The following GLIS1 variants were observed in gnomAD, a reference collection of about 807,000 sequenced individuals.
The protein encoded by GLIS1 is zinc finger protein GLIS1.
A neutral mutation model predicts 63.8 loss-of-function variants in GLIS1; 24 were observed. The ratio of observed to expected loss-of-function variants is 0.38; its 90% confidence interval spans 0.27 to 0.53. The LOEUF (loss-of-function observed/expected upper bound fraction) is 0.53, where lower values mean the gene tolerates loss of function less well. Ranked by LOEUF, GLIS1 falls within the 20% of genes least tolerant of loss-of-function variation. GLIS1 has a pLI of 0.85. For missense variants in GLIS1, 1,036 were observed against 1,074.1 expected (o/e 0.96, Z 0.50); for synonymous variants, 450 against 482.5 (o/e 0.93, Z 0.88).
At chr1:53,723,002 G>A (rs1006158747) in intron 2 of GLIS1, among the ~76,000 whole-genome samples, 94 of 151,404 alleles carry the variant, frequency 6.2e-4, no homozygotes, top group African/African-American at 2.1e-3. Context: ...GCATGGTGGT[G>A]CATGCCTGTA....
intron 2 of GLIS1, among the ~76,000 whole-genome samples, chr1:53,725,947 C>T (rs1264735778): frequency 1.3e-5 from 2 of 152,210 alleles, no homozygotes; most frequent in Non-Finnish European, 2.9e-5. Context: ...TGCCAGGGTG[C>T]TGTGTTCTTT....
chr1:53,587,802 C>A (rs1645150975), intron 4 of GLIS1, among the ~76,000 whole-genome samples: 1 of 152,232 alleles, frequency 6.6e-6, no homozygotes, highest in Non-Finnish European at 1.5e-5. Flanking sequence ...AGCCAGGGGG[C>A]ACACAGCAGG....
intron 2 of GLIS1, among the ~76,000 whole-genome samples, chr1:53,605,613 T>C (rs1475977087): frequency 6.6e-6 from 1 of 152,240 alleles, no homozygotes; most frequent in Non-Finnish European, 1.5e-5. Context: ...ATGAAAGTCC[T>C]ACCTCCCCTA....
Position 53,548,306 on chromosome 1 carries a change from C to G in GLIS1, c.1321-18354G>C, listed in dbSNP as rs575786603. ...TTCAACCTTGCATGCACATCTCTAACGGGAGGCCCGGTCTGCACACAGCAC... is the reference window on the plus strand; with the variant it reads ...TTCAACCTTGCATGCACATCTCTAAGGGGAGGCCCGGTCTGCACACAGCAC... On this transcript the variant is annotated intron_variant, in intron 4 of 10. Coordinates refer to ENST00000628545, the MANE Select transcript of GLIS1 (RefSeq NM_001367484.1). Among the ~76,000 whole-genome samples the G allele has an allele frequency of 3.3e-5, 5 of 152,332 alleles. No homozygotes were observed. The East Asian group carries it at 7.7e-4, about 23-fold the overall frequency.
At chr1:53,523,565 G>A (rs1332346361) in intron 6 of GLIS1, among the ~76,000 whole-genome samples, 2 of 152,168 alleles carry the variant, frequency 1.3e-5, no homozygotes, top group Admixed American at 6.5e-5. Flanking sequence ...TCATGCCAGT[G>A]TCCCTGAGTT....
intron 4 of GLIS1, among the ~76,000 whole-genome samples, chr1:53,580,816 C>T (rs1298937111): frequency 6.6e-6 from 1 of 152,192 alleles, no homozygotes; most frequent in African/African-American, 2.4e-5. Flanking sequence ...ATTTTTCCTG[C>T]TGCATTCTTG....
chr1:53,661,188 T>A (rs115826259), intron 2 of GLIS1, among the ~76,000 whole-genome samples: 1,607 of 152,242 alleles, frequency 0.011, 19 homozygotes, highest in African/African-American at 0.037. Flanking sequence ...GGTCCCTGCC[T>A]GTTGGGAGGA....
intron 2 of GLIS1, among the ~76,000 whole-genome samples, chr1:53,642,126 C>T (rs1645793631): frequency 6.6e-6 from 1 of 152,248 alleles, no homozygotes; most frequent in Admixed American, 6.5e-5. Context: ...GCCACACCTA[C>T]CCTGATGAAT....
At chr1:53,581,869 C>A (rs1196906925) in intron 4 of GLIS1, among the ~76,000 whole-genome samples, 1 of 152,068 alleles carries the variant, frequency 6.6e-6, no homozygotes, top group Non-Finnish European at 1.5e-5. Context: ...CACCCCCTTC[C>A]TCCTCCCTAG....
intron 2 of GLIS1, among the ~76,000 whole-genome samples, chr1:53,716,128 G>T (rs967282792): frequency 1.3e-5 from 2 of 152,164 alleles, no homozygotes; most frequent in African/African-American, 4.8e-5. Flanking sequence ...CAGAGGAGGG[G>T]AGGCAAGGCT....
rs1644619694 is a variant in GLIS1 at position 53,539,540 on chromosome 1, G to GTA, written c.1321-9590_1321-9589dup. Among the ~76,000 whole-genome samples, 1 of 44,686 alleles carries GTA rather than the reference G, an allele frequency of 2.2e-5. No individual in the cohort carries two copies. Among genetic ancestry groups the GTA allele is most frequent in the South Asian group, 6.4e-4 (1 of 1,574 alleles). 29.3% of individuals were successfully genotyped at this position (44,686 alleles called of 152,430 possible). A position where few individuals can be genotyped will look rare whatever the true frequency, so the allele number is the denominator to read the frequency against. ...ACACCACACACACACATACCACACG[G>GTA]TATACACCCCCCCACACACACTACA... On this transcript the variant is annotated intron_variant, in intron 4 of 10. Transcript: ENST00000628545. The surrounding 1 kb of genome is among the most constrained non-coding windows in gnomAD (Gnocchi z 5.0).
At chr1:53,685,344 G>A (rs910039424) in intron 2 of GLIS1, among the ~76,000 whole-genome samples, 5 of 152,184 alleles carry the variant, frequency 3.3e-5, no homozygotes, top group Non-Finnish European at 5.9e-5. Flanking sequence ...GCGGAGGACC[G>A]CGTCCCCAGA....
At chr1:53,518,472 CAT>C (rs1400650566) in intron 7 of GLIS1, among the ~76,000 whole-genome samples, 2 of 152,194 alleles carry the variant, frequency 1.3e-5, no homozygotes. Context: ...TGGACGAGTA[CAT>C]AGTCATTCTT....
intron 2 of GLIS1, among the ~76,000 whole-genome samples, chr1:53,693,926 C>T (rs1200560229): frequency 6.6e-6 from 1 of 152,262 alleles, no homozygotes; most frequent in African/African-American, 2.4e-5. Context: ...CATGAGGAGG[C>T]TGTGTCATCA....
intron 3 of GLIS1, 64 bp downstream of exon 3, chr1:53,600,037 G>A (rs926323575): frequency 1.8e-5 from 17 of 931,062 alleles, no homozygotes; most frequent in East Asian, 3.3e-5. Flanking sequence ...AGGAGGTGAG[G>A]CCTGAGGCCC....
intron 2 of GLIS1, among the ~76,000 whole-genome samples, chr1:53,635,021 G>A (rs1645708092): frequency 6.6e-6 from 1 of 151,922 alleles, no homozygotes; most frequent in Non-Finnish European, 1.5e-5. Flanking sequence ...GAAGGAGGCT[G>A]TAGTTGCATG....
chr1:53,713,825 G>C (rs988304013), intron 2 of GLIS1, among the ~76,000 whole-genome samples: 1 of 152,188 alleles, frequency 6.6e-6, no homozygotes. Flanking sequence ...AGAGATAAAG[G>C]ACAAAAGACC....
intron 2 of GLIS1, among the ~76,000 whole-genome samples, chr1:53,625,826 C>T (rs1645588356): frequency 6.6e-6 from 1 of 152,232 alleles, no homozygotes; most frequent in South Asian, 2.1e-4. Context: ...AAACAGTGCC[C>T]AAGTATAGGC....
At chr1:53,697,000 TG>T (rs1380972599) in intron 2 of GLIS1, among the ~76,000 whole-genome samples, 2 of 152,218 alleles carry the variant, frequency 1.3e-5, no homozygotes, top group Non-Finnish European at 2.9e-5. Flanking sequence ...GTGCTTAGCA[TG>T]GTGACCAGTA....
Sources: allele counts gnomAD v4.1 joint callset (sites outside exome capture counted in the v4.1 genomes callset), GRCh38; gene constraint gnomAD v4.1.1; non-coding constraint Gnocchi (gnomAD v3.1); transcripts MANE v1.5; gene names NCBI Gene and HGNC (gene_info 2026-07-23, HGNC 2026-07-21).